FAM234A: variants seen among roughly 807,000 people sequenced by gnomAD.
The protein encoded by FAM234A is protein FAM234A.
FAM234A carries 42 observed loss-of-function variants against 49.1 expected under a neutral mutation model. The ratio of observed to expected loss-of-function variants is 0.86; its 90% CI spans 0.67 to 1.11. The LOEUF (loss-of-function observed/expected upper bound fraction) is 1.11, where lower values mean the gene tolerates loss of function less well. Among genes scored for constraint, FAM234A ranks in the 50% least tolerant of loss-of-function variants. FAM234A has a pLI of 0.00. For missense variants in FAM234A, 815 were observed against 745.2 expected (o/e 1.09, Z -1.09); for synonymous variants, 369 against 316.2 (o/e 1.17, Z -1.77).
chr16:253,194 G>A lies in FAM234A; in HGVS notation c.-33-1187G>A, dbSNP rs368161135. ...TTTGGTTTCTAAGACGGCGACTGCC[G>A]GTTTCCCCACCGCATCCACCCCCGG... On this transcript the variant is annotated intron_variant, in intron 2 of 12. Transcript: ENST00000399932. 6.6e-5 allele frequency among the ~76,000 whole-genome samples: 10 copies of A among 152,178 alleles called. No individual in the cohort carries two copies. The East Asian group carries it at 7.7e-4, about 12-fold the overall frequency.
chr16:239,342 G>A lies in FAM234A; in HGVS notation c.-140+4485G>A, dbSNP rs140382173. On this transcript the variant is annotated intron_variant, in intron 1 of 12. Transcript: ENST00000399932. ...AATAAATAAAAATTGTGCCGGATGC[G>A]GTGGCTCACGCCTGTAATCCCAGCA... is the stretch of plus-strand genomic sequence containing the variant. 8.6e-3 allele frequency among the ~76,000 whole-genome samples: 1,289 copies of A among 150,576 alleles called. 14 individuals are homozygous for A. The highest frequency in any genetic ancestry group is 0.03 in the African/African-American group (1,240 of 40,936).
rs2051464645 is a variant in FAM234A at position 261,497 on chromosome 16, A to C, written c.691A>C (p.Thr231Pro). The C allele has an allele frequency of 6.2e-7, 1 of 1,607,940 alleles. No individual in the cohort carries two copies. The highest frequency in any genetic ancestry group is 8.5e-7 in the Non-Finnish European group (1 of 1,177,772). ...TGGGGCCCCAGACCTGCTGGTTCTC[A>C]CCCAGGAGCGGGAGGAGGTACATCC... ...GDGAPDLLVL[T>P]QEREEVSGHL... The change falls in exon 6 of 13, where the codon ACC (threonine) becomes CCC (proline). Residue 231 changes from threonine (T) to proline (P), a missense_variant. Coordinates refer to ENST00000399932, the MANE Select transcript of FAM234A (RefSeq NM_032039.4).
intron 5 of FAM234A, 39 bp from the exon 6 acceptor site, chr16:261,343 GGA>G (rs1486576572): frequency 6.3e-7 from 1 of 1,591,082 alleles, no homozygotes; most frequent in African/African-American, 1.3e-5. Context: ...CTGTTGAAGG[GGA>G]CTCAGGGCCA....
downstream of FAM234A, chr16:268,715 C>T (rs2051783097): frequency 1.2e-5 from 18 of 1,512,350 alleles, 1 homozygote; most frequent in Non-Finnish European, 1.6e-5. Flanking sequence ...ATAGGCGCAG[C>T]TCCGGAAGGC....
At chr16:256,185 G>A (rs571325321) in intron 3 of FAM234A, among the ~76,000 whole-genome samples, 3 of 152,288 alleles carry the variant, frequency 2.0e-5, no homozygotes, top group South Asian at 2.1e-4. Context: ...GCAGATCTTC[G>A]TGTGGATATG....
intron 1 of FAM234A, 47 bp downstream of exon 1, chr16:234,904 C>T (rs2050342888): frequency 6.6e-6 from 1 of 152,266 alleles, no homozygotes; most frequent in Non-Finnish European, 1.5e-5. Context: ...CGCAGGGGCG[C>T]CGCAGGCCGC....
At chr16:262,248 C>T (rs1245420218) in intron 7 of FAM234A, 23 bp downstream of exon 7, 2 of 1,612,504 alleles carry the variant, frequency 1.2e-6, no homozygotes, top group Non-Finnish European at 1.7e-6. Flanking sequence ...TGCCACATCC[C>T]TGGCCAGCCT....
At chr16:268,674 C>A (rs2051780994), downstream of FAM234A, 6 of 1,304,350 alleles carry the variant, frequency 4.6e-6, no homozygotes, top group African/African-American at 4.4e-5. Flanking sequence ...CACCTGTGGA[C>A]AAATTCTGGA....
chr16:252,292 C>G (rs1472615502), intron 2 of FAM234A, among the ~76,000 whole-genome samples: 1 of 151,246 alleles, frequency 6.6e-6, no homozygotes, highest in South Asian at 2.1e-4. Context: ...AGCCATTCTC[C>G]TGCCTCAGCC....
chr16:262,487 C>G lies in FAM234A; in HGVS notation c.905C>G (p.Pro302Arg), dbSNP rs753072335. The change falls in exon 8 of 13, where the codon CCG (proline) becomes CGG (arginine). Residue 302 changes from proline (P) to arginine (R), a missense_variant. Transcript: ENST00000399932. The part of the protein sequence containing the change: ...LYEKVTGSGG[P>R]FKSDPHWESM... ...GAGAAGGTGACCGGGAGCGGCGGCCCGTTCAAGAGTGACCCGCACTGGGAG... is the reference window on the plus strand; with the variant it reads ...GAGAAGGTGACCGGGAGCGGCGGCCGGTTCAAGAGTGACCCGCACTGGGAG... 2.5e-6 allele frequency: 4 copies of G among 1,612,182 alleles called. No homozygotes were observed. Among genetic ancestry groups the G allele is most frequent in the South Asian group, 2.2e-5 (2 of 90,896 alleles).
intron 1 of FAM234A, among the ~76,000 whole-genome samples, chr16:237,559 G>A (rs180999667): frequency 5.9e-5 from 9 of 152,248 alleles, no homozygotes; most frequent in Admixed American, 5.2e-4. Context: ...GGAAGCCTCA[G>A]TTCCCTCTTG....
rs2051463432 is a variant in FAM234A at position 261,474 on chromosome 16, G to A, written c.668G>A (p.Gly223Glu). ...LLQVPDVDGD[G>E]APDLLVLTQE... is the part of the protein sequence containing the mutation. ...CAGGTGCCTGATGTGGACGGCGATGGGGCCCCAGACCTGCTGGTTCTCACC... is the reference window on the plus strand; with the variant it reads ...CAGGTGCCTGATGTGGACGGCGATGAGGCCCCAGACCTGCTGGTTCTCACC... Residue 223 changes from glycine (G) to glutamate (E), a missense_variant, in exon 6 of 13, where the codon GGG (glycine) becomes GAG (glutamate). Coordinates refer to ENST00000399932, the MANE Select transcript of FAM234A (RefSeq NM_032039.4). The A allele has an allele frequency of 1.9e-6, 3 of 1,612,548 alleles. No homozygotes were observed. Among genetic ancestry groups the A allele is most frequent in the Non-Finnish European group, 2.5e-6 (3 of 1,179,604 alleles).
At chr16:263,835 G>A (rs955888889) in intron 10 of FAM234A, 60 bp downstream of exon 10, 4 of 1,485,004 alleles carry the variant, frequency 2.7e-6, no homozygotes, top group African/African-American at 1.4e-5. Context: ...AGACTGGTCT[G>A]AAAGCAGACG....
chr16:237,324 T>A (rs563027971), intron 1 of FAM234A, among the ~76,000 whole-genome samples: 52 of 152,266 alleles, frequency 3.4e-4, no homozygotes, highest in Admixed American at 1.3e-3. Context: ...TCCAACAGTT[T>A]CTGTGGGTCA....
At position 254,361 on chromosome 16, in the gene FAM234A, C is replaced by A. The variant is rs990573084; in HGVS notation, c.-33-20C>A. ...CCGTGGGACTGCTGGCCTCGCCGAC[C>A]TCTTGCTTTATCGACACAGTGACCA... On this transcript the variant is annotated intron_variant, in intron 2 of 12. Coordinates refer to ENST00000399932, the MANE Select transcript of FAM234A (RefSeq NM_032039.4). 1.4e-5 allele frequency: 23 copies of A among 1,601,100 alleles called. No individual in the cohort carries two copies. The Admixed American group carries it at 3.9e-4, about 27-fold the overall frequency.
At chr16:262,295 T>G (rs1005249836) in intron 7 of FAM234A, 70 bp downstream of exon 7, 7 of 1,589,554 alleles carry the variant, frequency 4.4e-6, no homozygotes, top group Non-Finnish European at 6.0e-6. Flanking sequence ...GCTCCTCAGG[T>G]CCTGCTTCTG....
chr16:254,769 T>G, intron 3 of FAM234A, 88 bp downstream of exon 3: 1 of 1,359,010 alleles, frequency 7.4e-7, no homozygotes, highest in Middle Eastern at 2.6e-4. Context: ...TCTGCGAGTC[T>G]AGAAGTGGCC....
chr16:261,508 G>A lies in FAM234A; in HGVS notation c.702G>A (p.Arg234=). 1 of 1,602,608 alleles carries A rather than the reference G, an allele frequency of 6.2e-7. No homozygotes were observed. The highest frequency in any genetic ancestry group is 1.7e-4 in the Middle Eastern group (1 of 6,022). ...ACCTGCTGGTTCTCACCCAGGAGCGGGAGGAGGTACATCCCAGCCTGGCTC... is the reference window on the plus strand; with the variant it reads ...ACCTGCTGGTTCTCACCCAGGAGCGAGAGGAGGTACATCCCAGCCTGGCTC... ...APDLLVLTQE[R]EEVSGHLYSG... is the part of the protein sequence containing the mutation. The change falls in exon 6 of 13, where the codon CGG becomes CGA. Residue 234 remains arginine (R), a synonymous_variant. Transcript: ENST00000399932.
At chr16:241,734 A>G (rs181960957) in intron 1 of FAM234A, among the ~76,000 whole-genome samples, 1,735 of 151,860 alleles carry the variant, frequency 0.011, 21 homozygotes, top group Middle Eastern at 0.021. Flanking sequence ...TGGCTAACAC[A>G]GTGAAACCCC....
Sources: gnomAD v4.1 joint callset for allele counts (sites outside exome capture counted in the v4.1 genomes callset) on GRCh38, gnomAD v4.1.1 for gene constraint, MANE v1.5 for transcripts, NCBI Gene and HGNC (gene_info 2026-07-23, HGNC 2026-07-21) for gene names.